The following PLCL2 variants were observed in gnomAD, a reference collection of about 807,000 sequenced individuals.
PLCL2 encodes phospholipase C like 2.
In PLCL2, 4 loss-of-function variants were observed where a neutral mutation model predicts 79.6. That is an observed-to-expected ratio of 0.05 (90% CI 0.02 to 0.11). The LOEUF (loss-of-function observed/expected upper bound fraction) is 0.11, where lower values mean the gene tolerates loss of function less well. Among genes scored for constraint, PLCL2 ranks in the 10% least tolerant of loss-of-function variants. The probability of loss-of-function intolerance (pLI) is 1.00; values close to 1 mark genes in which losing one functional copy is unlikely to be tolerated. For missense variants in PLCL2, 895 were observed against 1,291.0 expected, an observed-to-expected ratio of 0.69 and a Z score of 4.70; for synonymous variants, 484 against 457.7, an observed-to-expected ratio of 1.06 and a Z score of -0.73.
At chr3:16,984,713 A>C (rs571527799) in intron 1 of PLCL2, among the ~76,000 whole-genome samples, 11 of 152,306 alleles carry the variant, frequency 7.2e-5, no homozygotes, top group African/African-American at 2.6e-4. Flanking sequence ...CAGGCAGATC[A>C]CGAGGTCAGG....
At position 16,990,625 on chromosome 3, in the gene PLCL2, CTTAG is replaced by C. The variant is rs1429700414; in HGVS notation, c.328-19044_328-19041del. Among the ~76,000 whole-genome samples the C allele has an allele frequency of 2.0e-5, 3 of 152,242 alleles. No individual in the cohort carries two copies. The South Asian group carries it at 6.2e-4, about 32-fold the overall frequency. On this transcript the variant is annotated intron_variant, in intron 1 of 5. Coordinates refer to ENST00000615277, the MANE Select transcript of PLCL2 (RefSeq NM_001144382.2). ...ACTCGAGGACTTGTAATGTAAAAATCTTAGTTAGGTCAGCCTCTACAGCGCTTTC... is the reference window on the plus strand; with the variant it reads ...ACTCGAGGACTTGTAATGTAAAAATCTTAGGTCAGCCTCTACAGCGCTTTC...
chr3:17,050,036 A>G (rs1378076578), intron 4 of PLCL2, among the ~76,000 whole-genome samples: 1 of 152,216 alleles, frequency 6.6e-6, no homozygotes, highest in African/African-American at 2.4e-5. Context: ...CCACACACCT[A>G]CAATGAACTC....
At chr3:17,085,255 C>T (rs1243832344) in intron 5 of PLCL2, among the ~76,000 whole-genome samples, 1 of 151,892 alleles carries the variant, frequency 6.6e-6, no homozygotes, top group Non-Finnish European at 1.5e-5. Flanking sequence ...CCCACCTCAG[C>T]CTCACAAGTA....
chr3:17,020,301 A>C (rs1044820925), intron 3 of PLCL2, among the ~76,000 whole-genome samples: 1 of 152,098 alleles, frequency 6.6e-6, no homozygotes, highest in Non-Finnish European at 1.5e-5. Flanking sequence ...TTTTTTGTTA[A>C]TTTTGCTGCA....
At chr3:16,957,373 A>G (rs538354537) in intron 1 of PLCL2, among the ~76,000 whole-genome samples, 1 of 152,002 alleles carries the variant, frequency 6.6e-6, no homozygotes, top group Non-Finnish European at 1.5e-5. Flanking sequence ...TTCTAGTTTG[A>G]TTGCACTGTG....
chr3:16,893,347 G>C (rs1696395316), intron 1 of PLCL2, among the ~76,000 whole-genome samples: 1 of 152,182 alleles, frequency 6.6e-6, no homozygotes, highest in Admixed American at 6.5e-5. Flanking sequence ...TTTTAGGTGG[G>C]CTTCTTCTAT....
chr3:16,966,855 AAT>A (rs1255218345), intron 1 of PLCL2, among the ~76,000 whole-genome samples: 1 of 151,796 alleles, frequency 6.6e-6, no homozygotes, highest in Non-Finnish European at 1.5e-5. Context: ...TTGATGTGCA[AAT>A]TATTTCATTA....
chr3:17,063,624 C>T (rs1415681187), intron 4 of PLCL2, among the ~76,000 whole-genome samples: 2 of 152,068 alleles, frequency 1.3e-5, no homozygotes, highest in Non-Finnish European at 2.9e-5. Flanking sequence ...CTAGTCTCCA[C>T]GTGACTTCTC....
At chr3:16,982,558 G>A (rs897654304) in intron 1 of PLCL2, among the ~76,000 whole-genome samples, 5 of 152,240 alleles carry the variant, frequency 3.3e-5, no homozygotes, top group African/African-American at 4.8e-5. Context: ...AGTGTCAGAA[G>A]TAAATAGAGC....
intron 1 of PLCL2, among the ~76,000 whole-genome samples, chr3:16,992,976 A>G (rs1009596289): frequency 1.7e-4 from 26 of 152,192 alleles, no homozygotes; most frequent in Non-Finnish European, 2.9e-5. Context: ...CCCAGACTGG[A>G]CAAGGTGAAG....
At chr3:16,915,624 A>G (rs951355742) in intron 1 of PLCL2, among the ~76,000 whole-genome samples, 1 of 151,758 alleles carries the variant, frequency 6.6e-6, no homozygotes, top group African/African-American at 2.4e-5. Flanking sequence ...TCTTATTCAG[A>G]TAGTGTTTCA....
chr3:16,950,879 T>C (rs1258347781), intron 1 of PLCL2, among the ~76,000 whole-genome samples: 4 of 152,190 alleles, frequency 2.6e-5, no homozygotes, highest in African/African-American at 9.6e-5. Context: ...TTCTGCTTGT[T>C]CTAGATATAT....
intron 1 of PLCL2, among the ~76,000 whole-genome samples, chr3:16,897,972 A>C (rs916676607): frequency 6.6e-6 from 1 of 150,710 alleles, no homozygotes; most frequent in African/African-American, 2.5e-5. Flanking sequence ...TGTCATTCCC[A>C]TTTATTTTTT....
At chr3:16,907,094 C>CT (rs1290708673) in intron 1 of PLCL2, among the ~76,000 whole-genome samples, 1 of 152,124 alleles carries the variant, frequency 6.6e-6, no homozygotes, top group Non-Finnish European at 1.5e-5. Context: ...TTTTTAGTGT[C>CT]TTATCATCCT....
intron 4 of PLCL2, among the ~76,000 whole-genome samples, chr3:17,061,864 C>T (rs933925462): frequency 5.9e-5 from 9 of 152,154 alleles, no homozygotes; most frequent in South Asian, 4.1e-4. Context: ...CATTCCCTTT[C>T]GACCAGAACT....
chr3:16,890,708 A>T (rs1696326383), intron 1 of PLCL2, among the ~76,000 whole-genome samples: 1 of 152,180 alleles, frequency 6.6e-6, no homozygotes, highest in African/African-American at 2.4e-5. Context: ...GGACCACAGG[A>T]TCTGCGACTG....
chr3:16,965,428 G>A (rs1304858751), intron 1 of PLCL2, among the ~76,000 whole-genome samples: 17 of 152,190 alleles, frequency 1.1e-4, no homozygotes, highest in South Asian at 2.1e-4. Context: ...CTGTAGCCTT[G>A]TAGTATAGTT....
intron 1 of PLCL2, among the ~76,000 whole-genome samples, chr3:16,986,170 A>G (rs1575571967): frequency 6.6e-6 from 1 of 152,108 alleles, no homozygotes; most frequent in East Asian, 1.9e-4. Flanking sequence ...GACTACTTAT[A>G]GCTTTGTCGT....
intron 3 of PLCL2, among the ~76,000 whole-genome samples, chr3:17,018,747 A>G (rs2064413347): frequency 1.3e-5 from 2 of 152,204 alleles, no homozygotes. Flanking sequence ...ATAGAAATTT[A>G]ATTGGTTTAT....
Sources: allele counts gnomAD v4.1 joint callset (sites outside exome capture counted in the v4.1 genomes callset), GRCh38; gene constraint gnomAD v4.1.1; transcripts MANE v1.5; gene names NCBI Gene and HGNC (gene_info 2026-07-23, HGNC 2026-07-21).